RAB11FIP3: variants seen among roughly 807,000 people sequenced by gnomAD.
The protein encoded by RAB11FIP3 is RAB11 family interacting protein 3.
In RAB11FIP3, 17 loss-of-function variants were observed where a neutral mutation model predicts 77.8. That is an observed-to-expected ratio of 0.22 (90% CI 0.15 to 0.33). The LOEUF is 0.33. Among genes scored for constraint, RAB11FIP3 ranks in the 10% least tolerant of loss-of-function variants. RAB11FIP3 has a pLI of 1.00. For synonymous variants in RAB11FIP3, 437 were observed against 448.2 expected, an observed-to-expected ratio of 0.98 and a Z score of 0.31; for missense variants, 1,005 against 1,011.2, an observed-to-expected ratio of 0.99 and a Z score of 0.08.
chr16:480,336 C>T (rs1348517207), intron 3 of RAB11FIP3, among the ~76,000 whole-genome samples: 2 of 137,870 alleles, frequency 1.5e-5, no homozygotes, highest in African/African-American at 2.7e-5. Context: ...ATTTTATTTT[C>T]ATTTTTGAAA....
At chr16:470,399 C>T (rs1377238700) in intron 2 of RAB11FIP3, among the ~76,000 whole-genome samples, 1 of 152,252 alleles carries the variant, frequency 6.6e-6, no homozygotes, top group Non-Finnish European at 1.5e-5. Flanking sequence ...TCCCAAAGTG[C>T]TGGGATTACA....
intron 9 of RAB11FIP3, among the ~76,000 whole-genome samples, chr16:516,415 C>T (rs1040343805): frequency 6.6e-6 from 1 of 152,190 alleles, no homozygotes; most frequent in African/African-American, 2.4e-5. Context: ...CTAAAAACCC[C>T]CCATGAGCAC....
intron 5 of RAB11FIP3, chr16:491,100 A>C: frequency 1.6e-6 from 2 of 1,280,004 alleles, no homozygotes; most frequent in Non-Finnish European, 2.1e-6. Context: ...ACGGGTCCTC[A>C]TCCTCTCCTG....
chr16:446,591 C>T (rs554318761), intron 1 of RAB11FIP3, among the ~76,000 whole-genome samples: 1 of 152,232 alleles, frequency 6.6e-6, no homozygotes, highest in Non-Finnish European at 1.5e-5. Flanking sequence ...CTGCTCTAGC[C>T]TGGTGTCCAG....
intron 3 of RAB11FIP3, among the ~76,000 whole-genome samples, chr16:481,243 G>C (rs12934834): frequency 0.4 from 60,923 of 151,674 alleles, 13,816 homozygotes; most frequent in Middle Eastern, 0.54. Context: ...TGGCGCTGTG[G>C]CTCACTCTTG....
chr16:440,062 G>A (rs577422242), intron 1 of RAB11FIP3, among the ~76,000 whole-genome samples: 2 of 151,892 alleles, frequency 1.3e-5, no homozygotes, highest in Admixed American at 6.6e-5. Context: ...GGATGGTCTC[G>A]ATCTCCTGAC....
Position 506,750 on chromosome 16 carries a change from T to C in RAB11FIP3, c.1499+1123T>C, listed in dbSNP as rs912503292. 1.3e-5 allele frequency among the ~76,000 whole-genome samples: 2 copies of C among 152,220 alleles called. No individual in the cohort carries two copies. Among genetic ancestry groups the C allele is most frequent in the Non-Finnish European group, 1.5e-5 (1 of 68,028 alleles). The stretch of plus-strand genomic sequence containing the variant: ...AATTCTAACAAAGCAAAGCATGTGC[T>C]CTTGTGGAGTGAAGACCCTGGGCTT... On this transcript the variant is annotated intron_variant, in intron 8 of 13. Transcript: ENST00000262305. The surrounding 1 kb of genome is among the most constrained non-coding windows in gnomAD (Gnocchi z 4.5).
chr16:429,624 C>T (rs1030923799), intron 1 of RAB11FIP3, among the ~76,000 whole-genome samples: 5 of 151,886 alleles, frequency 3.3e-5, no homozygotes, highest in African/African-American at 1.2e-4. Flanking sequence ...TTCAGCCTCC[C>T]GAGTAGCTGG....
In RAB11FIP3 at chr16:514,839, G is replaced by C. The variant is rs868210657; in HGVS notation, c.1640+4039G>C. Reference sequence around the variant, plus strand: ...GCCTGATTTGCAGCTTGTGGCACCTGCCGAACCCCCGGCGTTGGGGTACAT... The same window carrying C: ...GCCTGATTTGCAGCTTGTGGCACCTCCCGAACCCCCGGCGTTGGGGTACAT... On this transcript the variant is annotated intron_variant, in intron 9 of 13. Coordinates refer to ENST00000262305, the MANE Select transcript of RAB11FIP3 (RefSeq NM_014700.4). This position sits in a 1 kb window ranked among gnomAD's most constrained non-coding sequence, Gnocchi z 4.6. 6.6e-6 allele frequency among the ~76,000 whole-genome samples: 1 copy of C among 152,216 alleles called. No individual in the cohort carries two copies. The highest frequency in any genetic ancestry group is 2.4e-5 in the African/African-American group (1 of 41,452).
intron 3 of RAB11FIP3, among the ~76,000 whole-genome samples, chr16:473,339 TA>T (rs1210882962): frequency 3.3e-5 from 5 of 152,188 alleles, no homozygotes; most frequent in South Asian, 2.1e-4. Flanking sequence ...TTTTTTGACT[TA>T]AAAAAATGAA....
chr16:433,281 T>C lies in RAB11FIP3; in HGVS notation c.714+6561T>C, dbSNP rs558413952. On this transcript the variant is annotated intron_variant, in intron 1 of 13. Coordinates refer to ENST00000262305, the MANE Select transcript of RAB11FIP3 (RefSeq NM_014700.4). ...CTCCTGACCTGGTGATCCGCCCACC[T>C]GGGCCTCCCAAAGTACTGGGATTAC... 9.8e-4 allele frequency among the ~76,000 whole-genome samples: 135 copies of C among 137,612 alleles called. 1 individual carries two copies. Among genetic ancestry groups the C allele is most frequent in the African/African-American group, 3.0e-3 (110 of 37,004 alleles). The allele number at this position is 137,612 out of a possible 152,430, so 90.3% of individuals were successfully genotyped here.
intron 5 of RAB11FIP3, among the ~76,000 whole-genome samples, chr16:490,828 T>C (rs1344160125): frequency 6.6e-6 from 1 of 152,234 alleles, no homozygotes. Flanking sequence ...AGAAGGGCTT[T>C]TGCTTTGCAA....
chr16:442,478 C>G (rs1412579655), intron 1 of RAB11FIP3, among the ~76,000 whole-genome samples: 1 of 152,188 alleles, frequency 6.6e-6, no homozygotes, highest in Admixed American at 6.5e-5. Context: ...AATGGCCAAC[C>G]AGGAGTGTGC....
chr16:520,627 G>A, intron 13 of RAB11FIP3, 28 bp downstream of exon 13: 1 of 1,611,316 alleles, frequency 6.2e-7, no homozygotes, highest in African/African-American at 1.3e-5. Context: ...TGCACGGTGT[G>A]GCCTGGGGTC....
rs771821758 is a variant in RAB11FIP3, at chr16:426,640, G to A, written c.634G>A (p.Asp212Asn). Residue 212 changes from aspartate to asparagine, a missense_variant, in exon 1 of 14, where the codon GAT becomes AAT. Physicochemically the swap from Asp to Asn is conservative, Grantham distance 23. Coordinates refer to ENST00000262305, the MANE Select transcript of RAB11FIP3 (RefSeq NM_014700.4). This position sits in a 1 kb window ranked among gnomAD's most constrained non-coding sequence, Gnocchi z 5.0. ...EDGPRLRAVF[D>N]ALDGDGDGFV... ...CGGCCCCCGCCTCCGAGCCGTGTTC[G>A]ATGCCCTGGACGGGGATGGGGACGG... 5 of 1,586,014 alleles carry A rather than the reference G, an allele frequency of 3.2e-6. No individual in the cohort carries two copies. In the East Asian group the frequency reaches 1.1e-4, roughly 36 times the overall value.
Position 520,818 on chromosome 16 carries a change from G to A in RAB11FIP3, c.2250G>A (p.Pro750=), listed in dbSNP as rs747795625. The change falls in exon 14 of 14, where the codon CCG becomes CCA. Residue 750 remains proline, a synonymous_variant. Coordinates refer to ENST00000262305, the MANE Select transcript of RAB11FIP3 (RefSeq NM_014700.4). ...TCGTGGCCATCATGGAGACCAACCC[G>A]TCCATCCTGGAGGTCAAGTAGAGGC... ...RIIVAIMETN[P]SILEVK The A allele has an allele frequency of 2.0e-5, 32 of 1,613,648 alleles. No individual in the cohort carries two copies. The highest frequency in any genetic ancestry group is 2.5e-5 in the Non-Finnish European group (29 of 1,179,972).
At chr16:476,894 G>T (rs1274522502) in intron 3 of RAB11FIP3, among the ~76,000 whole-genome samples, 2 of 152,128 alleles carry the variant, frequency 1.3e-5, no homozygotes, top group Non-Finnish European at 2.9e-5. Context: ...TTCGAGACCA[G>T]CCTGACCAAC....
chr16:519,081 T>G (rs1315672799), intron 10 of RAB11FIP3, 57 bp downstream of exon 10: 4 of 1,539,346 alleles, frequency 2.6e-6, no homozygotes, highest in South Asian at 1.1e-5. Flanking sequence ...GCCCTGCCTG[T>G]GGGGCAGCTG....
chr16:488,396 A>T (rs1352251589), intron 4 of RAB11FIP3, among the ~76,000 whole-genome samples: 1 of 149,064 alleles, frequency 6.7e-6, no homozygotes, highest in East Asian at 2.0e-4. Context: ...AAAGGTAAAG[A>T]AACAGATTTA....
Sources: gnomAD v4.1 joint callset for allele counts (sites outside exome capture counted in the v4.1 genomes callset) on GRCh38, gnomAD v4.1.1 for gene constraint, Gnocchi (gnomAD v3.1) non-coding constraint, MANE v1.5 for transcripts, NCBI Gene and HGNC (gene_info 2026-07-23, HGNC 2026-07-21) for gene names.